Variants in LRCH2 observed in about 807,000 individuals in gnomAD.
The protein encoded by LRCH2 is leucine rich repeats and calponin homology domain containing 2, also known as leucine-rich repeat and calponin homology domain-containing protein 2.
In LRCH2, 38 loss-of-function variants were observed where a neutral mutation model predicts 68.9. That is an observed-to-expected ratio of 0.55 (90% CI 0.43 to 0.72). The LOEUF (loss-of-function observed/expected upper bound fraction) is 0.72, where lower values mean the gene tolerates loss of function less well. Ranked by LOEUF, LRCH2 falls within the 30% of genes least tolerant of loss-of-function variation. The probability of loss-of-function intolerance (pLI) is 0.00; values close to 1 mark genes in which losing one functional copy is unlikely to be tolerated. For missense variants in LRCH2, 528 were observed against 572.9 expected, an observed-to-expected ratio of 0.92 and a Z score of 0.80; for synonymous variants, 191 against 208.1, an observed-to-expected ratio of 0.92 and a Z score of 0.71.
chrX:115,210,319 C>G (rs1217705045), intron 1 of LRCH2, among the ~76,000 whole-genome samples: 1 of 111,286 alleles, frequency 9.0e-6, no homozygotes, highest in Non-Finnish European at 1.9e-5. Context: ...TGCCCTGTGT[C>G]CCAGCCACTC....
intron 14 of LRCH2, among the ~76,000 whole-genome samples, chrX:115,140,413 G>A (rs893234620): frequency 6.3e-5 from 7 of 110,673 alleles, no homozygotes; most frequent in South Asian, 3.9e-4. Context: ...GCTGGCGTCC[G>A]GTAAGACTTA....
At chrX:115,138,151 T>C (rs782039593) in intron 14 of LRCH2, among the ~76,000 whole-genome samples, 14 of 103,955 alleles carry the variant, frequency 1.3e-4, no homozygotes, top group Non-Finnish European at 2.6e-4. Context: ...TAATAGAAAC[T>C]AGAATTCCCC....
intron 1 of LRCH2, among the ~76,000 whole-genome samples, chrX:115,225,490 A>G (rs1486528036): frequency 1.8e-5 from 2 of 111,896 alleles, no homozygotes; most frequent in Non-Finnish European, 3.8e-5. Context: ...AAGAACTTTA[A>G]TACCAAAAAC....
Position 115,220,713 on chromosome X carries a change from G to A in LRCH2, c.349+12980C>T, listed in dbSNP as rs781958194. On this transcript the variant is annotated intron_variant, in intron 1 of 20. Transcript: ENST00000317135. Reference sequence around the variant, plus strand: ...ATCTACAAACGTGATTTTCAAAATAGAATTTGTTAAAAGAACATATTAATC... The same window carrying A: ...ATCTACAAACGTGATTTTCAAAATAAAATTTGTTAAAAGAACATATTAATC... 2.7e-5 allele frequency among the ~76,000 whole-genome samples: 3 copies of A among 110,902 alleles called. No individual in the cohort carries two copies. In the Admixed American group the frequency reaches 2.9e-4, roughly 11 times the overall value.
intron 3 of LRCH2, among the ~76,000 whole-genome samples, chrX:115,183,385 T>C (rs890512859): frequency 9.0e-6 from 1 of 111,357 alleles, no homozygotes; most frequent in Non-Finnish European, 1.9e-5. Context: ...CATAATAAAG[T>C]CATACATAAG....
chrX:115,148,092 A>G (rs2072402553), intron 14 of LRCH2, among the ~76,000 whole-genome samples: 1 of 111,601 alleles, frequency 9.0e-6, no homozygotes, highest in Admixed American at 9.6e-5. Context: ...ATTAAAAACC[A>G]GTAAAACTGT....
At chrX:115,190,273 G>T (rs62601529) in intron 1 of LRCH2, 5 of 1,153,028 alleles carry the variant, frequency 4.3e-6, no homozygotes, top group Non-Finnish European at 5.8e-6. Flanking sequence ...CTTGAGAGGC[G>T]ACGGCAACCA....
At chrX:115,189,323 T>G (rs1556555917) in intron 1 of LRCH2, 1 of 746,957 alleles carries the variant, frequency 1.3e-6, no homozygotes, top group Non-Finnish European at 1.9e-6. Context: ...TTTTCCTTCT[T>G]GAGACATCCA....
chrX:115,128,077 A>G (rs1025975891), intron 15 of LRCH2, among the ~76,000 whole-genome samples: 1 of 112,295 alleles, frequency 8.9e-6, no homozygotes, highest in East Asian at 2.8e-4. Context: ...GCAGTAGAAC[A>G]GGCAAGAAAT....
intron 12 of LRCH2, among the ~76,000 whole-genome samples, chrX:115,153,477 C>G (rs955164762): frequency 1.8e-5 from 2 of 111,008 alleles, no homozygotes; most frequent in African/African-American, 6.6e-5. Flanking sequence ...AAATAAAGGG[C>G]ACTGGAGATA....
Position 115,123,196 on chromosome X carries a change from T to TA in LRCH2, c.1850-5dup. Reference sequence around the variant, plus strand: ...TGGCGAGATGAGCGGCTAAAAGCTATAAAAACAGAAATTTCCTAACTTGTT... The same window carrying TA: ...TGGCGAGATGAGCGGCTAAAAGCTATAAAAAACAGAAATTTCCTAACTTGTT... On this transcript the variant is annotated splice_region_variant and splice_polypyrimidine_tract_variant and intron_variant, in intron 17 of 20. Coordinates refer to ENST00000317135, the MANE Select transcript of LRCH2 (RefSeq NM_020871.4). The TA allele has an allele frequency of 8.4e-7, 1 of 1,191,329 alleles. No individual in the cohort carries two copies. Among genetic ancestry groups the TA allele is most frequent in the Non-Finnish European group, 1.1e-6 (1 of 881,600 alleles).
intron 1 of LRCH2, among the ~76,000 whole-genome samples, chrX:115,193,292 C>G (rs2072860500): frequency 8.9e-6 from 1 of 112,136 alleles, no homozygotes; most frequent in African/African-American, 3.2e-5. Flanking sequence ...CGATGAATTG[C>G]AAATTAAGGA....
rs1350174884 is a variant in LRCH2, at chrX:115,215,692, C to G, written c.349+18001G>C. Among the ~76,000 whole-genome samples the G allele has an allele frequency of 3.0e-5, 3 of 101,166 alleles. No homozygotes were observed. In the East Asian group the frequency reaches 9.2e-4, roughly 31 times the overall value. 87.9% of individuals were successfully genotyped at this position (101,166 alleles called of 115,157 possible). On this transcript the variant is annotated intron_variant, in intron 1 of 20. Coordinates refer to ENST00000317135, the MANE Select transcript of LRCH2 (RefSeq NM_020871.4). ...AGGAGAATCACTTGAACCCAGGAGA[C>G]AGAGGTTGTAGTGAGCCAAGATCGC...
Position 115,191,196 on chromosome X carries a change from C to T in LRCH2, c.350-2826G>A, listed in dbSNP as rs73636269. ...ACAGTTCCAGCCAGAGCAACCGCTACGGAGGAGGAGGCTGCTACGAGGAGT... is the reference window on the plus strand; with the variant it reads ...ACAGTTCCAGCCAGAGCAACCGCTATGGAGGAGGAGGCTGCTACGAGGAGT... On this transcript the variant is annotated intron_variant, in intron 1 of 20. Coordinates refer to ENST00000317135, the MANE Select transcript of LRCH2 (RefSeq NM_020871.4). 1.4e-3 allele frequency: 1,660 copies of T among 1,154,271 alleles called. 16 individuals carry two copies. In the African/African-American group the frequency reaches 0.026, roughly 18 times the overall value.
At chrX:115,125,475 A>ACG (rs2072182135) in intron 16 of LRCH2, among the ~76,000 whole-genome samples, 1 of 228 alleles carries the variant, frequency 4.4e-3, no homozygotes, top group Non-Finnish European at 0.015. Flanking sequence ...ATATATATAT[A>ACG]TATATATATA....
chrX:115,173,612 A>T (rs2072622441), intron 5 of LRCH2, among the ~76,000 whole-genome samples: 2 of 111,944 alleles, frequency 1.8e-5, no homozygotes, highest in African/African-American at 6.5e-5. Context: ...ATTTCCTATA[A>T]CTATCTTCAT....
intron 1 of LRCH2, among the ~76,000 whole-genome samples, chrX:115,200,131 T>C (rs782757569): frequency 2.3e-4 from 26 of 111,460 alleles, no homozygotes; most frequent in African/African-American, 7.8e-4. Context: ...CTGTGGGATA[T>C]AGCAAAAGCA....
At chrX:115,232,251 GA>G (rs367690522) in intron 1 of LRCH2, among the ~76,000 whole-genome samples, 594 of 43,778 alleles carry the variant, frequency 0.014, 4 homozygotes, top group African/African-American at 0.036. Context: ...AGAACAATAA[GA>G]AAAAAAAAAA....
intron 11 of LRCH2, among the ~76,000 whole-genome samples, chrX:115,159,317 G>A (rs1273279269): frequency 9.1e-6 from 1 of 109,388 alleles, no homozygotes; most frequent in Non-Finnish European, 1.9e-5. Flanking sequence ...TAATAGTGAA[G>A]GTAAAATTAG....
Sources: allele counts gnomAD v4.1 joint callset (sites outside exome capture counted in the v4.1 genomes callset), GRCh38; gene constraint gnomAD v4.1.1; transcripts MANE v1.5; gene names NCBI Gene and HGNC (gene_info 2026-07-23, HGNC 2026-07-21).